OTOGL: variants seen among roughly 807,000 people sequenced by gnomAD.
The protein encoded by OTOGL is otogelin-like protein.
A neutral mutation model predicts 318.5 loss-of-function variants in OTOGL; 285 were observed. The ratio of observed to expected loss-of-function variants is 0.89; its 90% CI spans 0.81 to 0.99. OTOGL has a LOEUF of 0.99. Ranked by LOEUF, OTOGL falls within the 50% of genes least tolerant of loss-of-function variation. The probability of loss-of-function intolerance (pLI) is 0.00; values close to 1 mark genes in which losing one functional copy is unlikely to be tolerated. For synonymous variants in OTOGL, 987 were observed against 936.5 expected, an observed-to-expected ratio of 1.05 and a Z score of -0.99; for missense variants, 2,899 against 2,845.6, an observed-to-expected ratio of 1.02 and a Z score of -0.43.
At chr12:80,356,234 G>A (rs1889890347) in intron 47 of OTOGL, 182 bp from the exon 48 acceptor site, 1 of 612,272 alleles carries the variant, frequency 1.6e-6, no homozygotes, top group African/African-American at 1.9e-5. Flanking sequence ...CAAAGCTGCT[G>A]CATTTTCATA....
chr12:80,125,647 G>A (rs980567389), intron 1 of OTOGL, among the ~76,000 whole-genome samples: 27 of 152,216 alleles, frequency 1.8e-4, no homozygotes, highest in East Asian at 9.6e-4. Flanking sequence ...GGTAGAATTC[G>A]GCTGTGAATC....
chr12:80,331,837 A>T (rs919937568), intron 37 of OTOGL, among the ~76,000 whole-genome samples: 1 of 152,154 alleles, frequency 6.6e-6, no homozygotes, highest in Non-Finnish European at 1.5e-5. Flanking sequence ...TGTGGCACCA[A>T]TGTAATCACA....
intron 1 of OTOGL, among the ~76,000 whole-genome samples, chr12:80,204,135 C>A (rs7971278): frequency 3.3e-5 from 5 of 151,990 alleles, no homozygotes; most frequent in Non-Finnish European, 5.9e-5. Context: ...AAGGGGAAAC[C>A]TTTTTTGTGG....
intron 1 of OTOGL, among the ~76,000 whole-genome samples, chr12:80,140,969 A>G (rs551221294): frequency 6.6e-6 from 1 of 152,290 alleles, no homozygotes; most frequent in Admixed American, 6.5e-5. Flanking sequence ...ATACCTTCAG[A>G]AAAGTAGTGA....
At chr12:80,220,772 T>C (rs1162393742) in intron 6 of OTOGL, among the ~76,000 whole-genome samples, 5 of 152,112 alleles carry the variant, frequency 3.3e-5, no homozygotes, top group Non-Finnish European at 7.4e-5. Context: ...AACATGTTCC[T>C]GTCCTCTTGG....
chr12:80,255,246 T>A (rs1011859376), intron 16 of OTOGL, 61 bp downstream of exon 16: 2 of 1,315,682 alleles, frequency 1.5e-6, no homozygotes, highest in Non-Finnish European at 9.8e-7. Flanking sequence ...TTAAACTTCA[T>A]TTCAGACTAA....
chr12:80,256,250 C>T lies in OTOGL; in HGVS notation c.1588-87C>T. On this transcript the variant is annotated intron_variant, in intron 16 of 58. Transcript: ENST00000547103. ...CTCTCCTCTCTCTTTCTCCCCTTCTCCCTTTCTCCCATCTCCACCTTCCTG... is the reference window on the plus strand; with the variant it reads ...CTCTCCTCTCTCTTTCTCCCCTTCTTCCTTTCTCCCATCTCCACCTTCCTG... 5 of 1,408,252 alleles carry T rather than the reference C, an allele frequency of 3.6e-6. No individual in the cohort carries two copies. In the South Asian group the frequency reaches 5.5e-5, roughly 16 times the overall value. 87.2% of individuals were successfully genotyped at this position (1,408,252 alleles called of 1,614,324 possible). A position where few individuals can be genotyped will look rare whatever the true frequency, so the allele number is the denominator to read the frequency against.
At chr12:80,343,168 C>T (rs532113552) in intron 44 of OTOGL, among the ~76,000 whole-genome samples, 60 of 152,170 alleles carry the variant, frequency 3.9e-4, no homozygotes, top group South Asian at 1.2e-3. Flanking sequence ...CCACCGTGCC[C>T]GGCCCAGAGT....
chr12:80,307,395 C>T (rs1424324986), intron 29 of OTOGL, among the ~76,000 whole-genome samples: 1 of 150,604 alleles, frequency 6.6e-6, no homozygotes, highest in Non-Finnish European at 1.5e-5. Flanking sequence ...CGGGCAGAGG[C>T]ACCCCTCACC....
intron 1 of OTOGL, among the ~76,000 whole-genome samples, chr12:80,194,272 T>G (rs12317731): frequency 7.5e-4 from 114 of 152,344 alleles, no homozygotes; most frequent in African/African-American, 2.6e-3. Flanking sequence ...TTACTAAGTA[T>G]GATTCTTCAA....
In OTOGL at chr12:80,145,516, G is replaced by C. The variant is rs576340381; in HGVS notation, c.-20+45911G>C. On this transcript the variant is annotated intron_variant, in intron 1 of 58. Transcript: ENST00000547103. Reference sequence around the variant, plus strand: ...TGATGCCTCCAGCTTTGTTCTTTTGGCTTAGGATTGACTTGGCGATGCGGG... The same window carrying C: ...TGATGCCTCCAGCTTTGTTCTTTTGCCTTAGGATTGACTTGGCGATGCGGG... Among the ~76,000 whole-genome samples, 127 of 151,814 alleles carry C rather than the reference G, an allele frequency of 8.4e-4. 1 individual carries two copies. The highest frequency in any genetic ancestry group is 1.6e-3 in the Admixed American group (25 of 15,260).
chr12:80,271,908 C>G, intron 24 of OTOGL, 98 bp downstream of exon 24: 1 of 1,382,098 alleles, frequency 7.2e-7, no homozygotes, highest in East Asian at 2.4e-5. Flanking sequence ...AATTGTTGTT[C>G]TGACTAGTGG....
chr12:80,311,941 C>T (rs1304453759), intron 30 of OTOGL, among the ~76,000 whole-genome samples: 2 of 151,950 alleles, frequency 1.3e-5, no homozygotes, highest in Admixed American at 1.3e-4. Flanking sequence ...GTCAACATTT[C>T]GAAGATCTGC....
chr12:80,287,090 C>T (rs895116194), intron 26 of OTOGL, among the ~76,000 whole-genome samples: 7 of 148,658 alleles, frequency 4.7e-5, no homozygotes, highest in African/African-American at 1.0e-4. Flanking sequence ...GATTCTGGTA[C>T]GTTGTGTCTT....
intron 55 of OTOGL, among the ~76,000 whole-genome samples, 192 bp downstream of exon 55, chr12:80,368,501 C>T (rs538968910): frequency 6.6e-6 from 1 of 151,970 alleles, no homozygotes; most frequent in South Asian, 2.1e-4. Context: ...AAGAAAAATG[C>T]TTAACTTGTG....
intron 1 of OTOGL, among the ~76,000 whole-genome samples, chr12:80,181,015 C>T (rs1307837357): frequency 6.6e-6 from 1 of 152,116 alleles, no homozygotes; most frequent in Non-Finnish European, 1.5e-5. Context: ...ACCTCTAGTC[C>T]ATGTTCAATA....
intron 1 of OTOGL, among the ~76,000 whole-genome samples, chr12:80,174,699 G>A (rs1358968273): frequency 6.6e-6 from 1 of 152,092 alleles, no homozygotes; most frequent in African/African-American, 2.4e-5. Flanking sequence ...AATCTTGGAA[G>A]ATATCATATC....
At chr12:80,370,279 C>A (rs1461533078) in intron 55 of OTOGL, among the ~76,000 whole-genome samples, 2 of 151,960 alleles carry the variant, frequency 1.3e-5, no homozygotes, top group Non-Finnish European at 2.9e-5. Context: ...CTTCTTCACT[C>A]TCTATTGTTT....
At position 80,296,973 on chromosome 12, in the gene OTOGL, A is replaced by G. The variant is rs746567109; in HGVS notation, c.3063+12A>G. 2 of 1,526,932 alleles carry G rather than the reference A, an allele frequency of 1.3e-6. No homozygotes were observed. The highest frequency in any genetic ancestry group is 1.9e-5 in the Admixed American group (1 of 52,910). 94.6% of individuals were successfully genotyped at this position (1,526,932 alleles called of 1,614,324 possible). ...CTCCTTACAAACAGGTTAGTGAATTATTTCTTTCAGGATCATTTGAACTTG... is the reference window on the plus strand; with the variant it reads ...CTCCTTACAAACAGGTTAGTGAATTGTTTCTTTCAGGATCATTTGAACTTG... On this transcript the variant is annotated intron_variant, in intron 27 of 58. Coordinates refer to ENST00000547103, the MANE Select transcript of OTOGL (RefSeq NM_001378609.3).
Sources: allele counts gnomAD v4.1 joint callset (sites outside exome capture counted in the v4.1 genomes callset), GRCh38; gene constraint gnomAD v4.1.1; transcripts MANE v1.5; gene names NCBI Gene and HGNC (gene_info 2026-07-23, HGNC 2026-07-21).